The following COL21A1 variants were observed in gnomAD, a reference collection of about 807,000 sequenced individuals.
COL21A1 encodes collagen type XXI alpha 1 chain, also known as collagen alpha-1(XXI) chain.
A neutral mutation model predicts 137.9 loss-of-function variants in COL21A1; 149 were observed. The observed-to-expected ratio is 1.08, with a 90% CI of 0.95 to 1.24. The LOEUF (loss-of-function observed/expected upper bound fraction) is 1.24, where lower values mean the gene tolerates loss of function less well. Among genes scored for constraint, COL21A1 ranks in the 50% most tolerant of loss-of-function variants. The pLI is 0.00. For missense variants in COL21A1, 1,167 were observed against 1,158.4 expected, an observed-to-expected ratio of 1.01 and a Z score of -0.11; for synonymous variants, 456 against 391.5, an observed-to-expected ratio of 1.16 and a Z score of -1.95.
chr6:56,183,108 ATT>A (rs1158961228), intron 1 of COL21A1, among the ~76,000 whole-genome samples: 1 of 152,236 alleles, frequency 6.6e-6, no homozygotes, highest in Non-Finnish European at 1.5e-5. Flanking sequence ...ATAAGATGTA[ATT>A]GTAAACATTA....
intron 1 of COL21A1, among the ~76,000 whole-genome samples, chr6:56,391,598 G>A (rs1465809325): frequency 2.0e-5 from 3 of 151,924 alleles, no homozygotes; most frequent in Non-Finnish European, 4.4e-5. Flanking sequence ...AGATAAAAAA[G>A]GAGATAGTAA....
intron 1 of COL21A1, among the ~76,000 whole-genome samples, chr6:56,283,874 A>T (rs145362323): frequency 2.1e-4 from 31 of 146,294 alleles, no homozygotes; most frequent in South Asian, 1.3e-3. Flanking sequence ...TCACACACAC[A>T]CTCTCTCTCT....
At chr6:56,245,941 A>G (rs1395640619) in intron 1 of COL21A1, among the ~76,000 whole-genome samples, 1 of 152,218 alleles carries the variant, frequency 6.6e-6, no homozygotes, top group East Asian at 1.9e-4. Context: ...TGCAGCACGC[A>G]TGTGCTGGGA....
intron 1 of COL21A1, among the ~76,000 whole-genome samples, chr6:56,288,428 A>C (rs1763965007): frequency 6.6e-6 from 1 of 151,748 alleles, no homozygotes; most frequent in Non-Finnish European, 1.5e-5. Context: ...TAAAAAGTAC[A>C]AGTACTTTTA....
chr6:56,303,124 T>A (rs1764344660), intron 1 of COL21A1, among the ~76,000 whole-genome samples: 1 of 152,212 alleles, frequency 6.6e-6, no homozygotes, highest in Non-Finnish European at 1.5e-5. Flanking sequence ...GCTGTTTTGG[T>A]TACTGTAGCC....
Position 56,254,201 on chromosome 6 carries a change from T to G in COL21A1, c.-38-71545A>C, listed in dbSNP as rs10948981. Among the ~76,000 whole-genome samples the G allele has an allele frequency of 2.2e-3, 335 of 152,120 alleles. 1 individual carries two copies. The highest frequency in any genetic ancestry group is 4.1e-3 in the Non-Finnish European group (280 of 67,986). Reference sequence around the variant, plus strand: ...CATGTAAAAATAAGAAACTACCTTATTTCTAACTAGCTAAGAGATGATTTC... The same window carrying G: ...CATGTAAAAATAAGAAACTACCTTAGTTCTAACTAGCTAAGAGATGATTTC... On this transcript the variant is annotated intron_variant, in intron 1 of 28. Coordinates refer to the COL21A1 transcript ENST00000370819.
chr6:56,321,427 G>A (rs570616120), intron 1 of COL21A1, among the ~76,000 whole-genome samples: 1 of 152,244 alleles, frequency 6.6e-6, no homozygotes, highest in African/African-American at 2.4e-5. Flanking sequence ...TTTGATATTG[G>A]AATACATTCT....
chr6:56,286,042 A>T (rs963213969), intron 1 of COL21A1, among the ~76,000 whole-genome samples: 3 of 152,162 alleles, frequency 2.0e-5, no homozygotes, highest in African/African-American at 7.2e-5. Flanking sequence ...AAACAGAAAA[A>T]TCAAAACAAG....
At chr6:56,106,342 C>T (rs749314264) in intron 16 of COL21A1, among the ~76,000 whole-genome samples, 1 of 152,182 alleles carries the variant, frequency 6.6e-6, no homozygotes, top group Non-Finnish European at 1.5e-5. Flanking sequence ...CAACTCTGTT[C>T]TATATCCCAT....
chr6:56,292,504 C>A (rs531474045), intron 1 of COL21A1, among the ~76,000 whole-genome samples: 1 of 150,514 alleles, frequency 6.6e-6, no homozygotes, highest in Admixed American at 6.8e-5. Flanking sequence ...GTTTTTCCCC[C>A]ATGCAGGTGC....
chr6:56,255,910 C>T (rs1782959095), intron 1 of COL21A1, among the ~76,000 whole-genome samples: 1 of 152,136 alleles, frequency 6.6e-6, no homozygotes, highest in African/African-American at 2.4e-5. Flanking sequence ...TAGGGTTCTT[C>T]TGAACCTGAA....
chr6:56,355,446 G>GTAGAT (rs1581768235), intron 1 of COL21A1, among the ~76,000 whole-genome samples: 1 of 152,148 alleles, frequency 6.6e-6, no homozygotes, highest in African/African-American at 2.4e-5. Flanking sequence ...GGGTAAACCT[G>GTAGAT]TAGATTAAAA....
intron 1 of COL21A1, among the ~76,000 whole-genome samples, chr6:56,380,847 G>T (rs1562079490): frequency 6.6e-6 from 1 of 152,142 alleles, no homozygotes; most frequent in East Asian, 1.9e-4. Context: ...TTTAATGCAT[G>T]AGTTATAGCA....
chr6:56,140,093 A>C (rs1330127490), intron 12 of COL21A1, among the ~76,000 whole-genome samples: 2 of 152,196 alleles, frequency 1.3e-5, no homozygotes, highest in Non-Finnish European at 2.9e-5. Context: ...TCATAAATAC[A>C]TATCAATTAA....
At chr6:56,167,027 A>T (rs1321682855) in intron 6 of COL21A1, 44 bp from the exon 7 acceptor site, 1 of 1,449,248 alleles carries the variant, frequency 6.9e-7, no homozygotes, top group South Asian at 1.2e-5. Context: ...GGCACAAGCT[A>T]ATTGTTTTAT....
chr6:56,217,302 A>T (rs1780545791), intron 1 of COL21A1, among the ~76,000 whole-genome samples: 1 of 152,070 alleles, frequency 6.6e-6, no homozygotes, highest in Admixed American at 6.6e-5. Flanking sequence ...GTCATCTGAA[A>T]CAAAATCACC....
chr6:56,091,089 T>C (rs561610514), intron 17 of COL21A1, among the ~76,000 whole-genome samples: 1 of 152,308 alleles, frequency 6.6e-6, no homozygotes, highest in Admixed American at 6.5e-5. Flanking sequence ...TCCACTTTAC[T>C]AGCATCACAA....
At chr6:56,329,111 A>G (rs1382330692) in intron 1 of COL21A1, among the ~76,000 whole-genome samples, 5 of 152,140 alleles carry the variant, frequency 3.3e-5, no homozygotes, top group African/African-American at 1.2e-4. Context: ...AGCAGTATCT[A>G]TTTACAAATT....
intron 1 of COL21A1, among the ~76,000 whole-genome samples, chr6:56,217,459 T>A (rs570944359): frequency 6.6e-6 from 1 of 152,068 alleles, no homozygotes; most frequent in East Asian, 1.9e-4. Context: ...AATAAGAAAC[T>A]CCCTATAAAT....
Sources: gnomAD v4.1 joint callset for allele counts (sites outside exome capture counted in the v4.1 genomes callset) on GRCh38, gnomAD v4.1.1 for gene constraint, MANE v1.5 for transcripts, NCBI Gene and HGNC (gene_info 2026-07-23, HGNC 2026-07-21) for gene names.